Variants in CENPP observed in about 807,000 individuals in gnomAD.
CENPP encodes the protein centromere protein P.
Under a neutral mutation model 35.6 loss-of-function variants are expected in CENPP, and 24 were observed. The ratio of observed to expected loss-of-function variants is 0.67; its 90% confidence interval spans 0.49 to 0.95. CENPP has a LOEUF of 0.95. CENPP is among the 40% of genes least tolerant of loss of function. CENPP has a pLI of 0.00. For missense variants in CENPP, 332 were observed against 345.3 expected (o/e 0.96, Z 0.31); for synonymous variants, 120 against 125.5 (o/e 0.96, Z 0.29).
At chr9:92,330,688 GTT>G (rs11396197) in intron 1 of CENPP, among the ~76,000 whole-genome samples, 1 of 121,246 alleles carries the variant, frequency 8.2e-6, no homozygotes. Flanking sequence ...TCTTTTCTTT[GTT>G]TTTTTTTTTT....
intron 5 of CENPP, among the ~76,000 whole-genome samples, chr9:92,427,558 G>A (rs116940398): frequency 0.031 from 4,725 of 152,260 alleles, 114 homozygotes; most frequent in South Asian, 0.084. Context: ...TTGGCCCACT[G>A]TACCCTCTGC....
At chr9:92,605,562 C>T (rs1257518659) in intron 5 of CENPP, among the ~76,000 whole-genome samples, 2 of 152,072 alleles carry the variant, frequency 1.3e-5, no homozygotes, top group Non-Finnish European at 2.9e-5. Context: ...GGAGTCTTTT[C>T]AACAATTGGT....
At chr9:92,326,823 A>T (rs1840538407) in intron 1 of CENPP, among the ~76,000 whole-genome samples, 1 of 152,254 alleles carries the variant, frequency 6.6e-6, no homozygotes, top group African/African-American at 2.4e-5. Context: ...CCTCTCGAAA[A>T]CATAAACTGT....
At chr9:92,351,262 G>A (rs530936106) in intron 4 of CENPP, among the ~76,000 whole-genome samples, 1 of 152,122 alleles carries the variant, frequency 6.6e-6, no homozygotes, top group Admixed American at 6.5e-5. Context: ...AGGCTGAGGC[G>A]GGTGGATCAT....
At chr9:92,371,723 T>C (rs1357255956) in intron 4 of CENPP, among the ~76,000 whole-genome samples, 1 of 152,152 alleles carries the variant, frequency 6.6e-6, no homozygotes, top group Non-Finnish European at 1.5e-5. Context: ...TATTATTGTA[T>C]TGCAATCTAG....
At chr9:92,522,933 T>C (rs1848168788) in intron 5 of CENPP, 15 of 1,498,364 alleles carry the variant, frequency 1.0e-5, no homozygotes, top group Middle Eastern at 4.3e-4. Flanking sequence ...GGTGACTAAA[T>C]TTTTACTTCT....
chr9:92,443,148 T>A (rs777104770), intron 5 of CENPP, among the ~76,000 whole-genome samples: 1 of 152,188 alleles, frequency 6.6e-6, no homozygotes, highest in Non-Finnish European at 1.5e-5. Flanking sequence ...GACATAATTA[T>A]ATTTTTGAAA....
At chr9:92,360,442 T>A (rs534019527) in intron 4 of CENPP, among the ~76,000 whole-genome samples, 17 of 152,216 alleles carry the variant, frequency 1.1e-4, no homozygotes, top group African/African-American at 4.1e-4. Flanking sequence ...TGGGGTGCAC[T>A]CGTAGTCCCA....
intron 5 of CENPP, among the ~76,000 whole-genome samples, chr9:92,467,395 A>G (rs1845355081): frequency 6.6e-6 from 1 of 152,186 alleles, no homozygotes. Flanking sequence ...ACATGTTGGT[A>G]ACTCTGATAA....
chr9:92,331,635 G>A (rs1840749968), intron 1 of CENPP, among the ~76,000 whole-genome samples: 1 of 152,202 alleles, frequency 6.6e-6, no homozygotes, highest in South Asian at 2.1e-4. Context: ...AAATTTGGAA[G>A]TATAATTTGG....
chr9:92,482,949 G>A (rs1316934697), intron 5 of CENPP, among the ~76,000 whole-genome samples: 1 of 149,316 alleles, frequency 6.7e-6, no homozygotes, highest in African/African-American at 2.5e-5. Context: ...GCTATAGCAT[G>A]TCAGGGAAAC....
chr9:92,349,264 C>T (rs938692059), intron 4 of CENPP, among the ~76,000 whole-genome samples: 1 of 151,996 alleles, frequency 6.6e-6, no homozygotes, highest in African/African-American at 2.4e-5. Flanking sequence ...TTCTTTATGT[C>T]GCTTGTAATG....
chr9:92,567,373 G>GATAGATATATATATAT (rs1554688237), intron 5 of CENPP, among the ~76,000 whole-genome samples: 4 of 129,088 alleles, frequency 3.1e-5, no homozygotes, highest in South Asian at 2.8e-4. Flanking sequence ...ACATAAGATA[G>GATAGATATATATATAT]ATATATATAT....
chr9:92,436,754 C>A (rs145965015), intron 5 of CENPP, among the ~76,000 whole-genome samples: 22 of 152,270 alleles, frequency 1.4e-4, no homozygotes, highest in African/African-American at 4.8e-4. Context: ...GTCTTCCTGA[C>A]AACACCACCT....
In CENPP at chr9:92,492,791, G is replaced by C. The variant is rs147332286; in HGVS notation, c.564+112932G>C. On this transcript the variant is annotated intron_variant, in intron 5 of 7. Coordinates refer to ENST00000375587, the MANE Select transcript of CENPP (RefSeq NM_001012267.3). The stretch of plus-strand genomic sequence containing the variant: ...CAGCCTCAGAGTCAGAAGATGCAGG[G>C]GAAGTCCAGACTCAGCCACATATTC... Among the ~76,000 whole-genome samples the C allele has an allele frequency of 3.6e-3, 548 of 152,228 alleles. 8 individuals are homozygous for C. Among genetic ancestry groups the C allele is most frequent in the Non-Finnish European group, 5.4e-4 (37 of 68,006 alleles).
At chr9:92,562,877 C>G (rs192008954) in intron 5 of CENPP, among the ~76,000 whole-genome samples, 9 of 152,246 alleles carry the variant, frequency 5.9e-5, no homozygotes, top group African/African-American at 2.2e-4. Flanking sequence ...GAGAAGTTCA[C>G]TTGAGGTTTA....
chr9:92,492,672 G>A lies in CENPP; in HGVS notation c.564+112813G>A, dbSNP rs200536135. ...GGTTGAGCATCAGCCGCCCAGGTTC[G>A]GACCTTTTATTAGGCAGCCTGCCAC... On this transcript the variant is annotated intron_variant, in intron 5 of 7. Coordinates refer to ENST00000375587, the MANE Select transcript of CENPP (RefSeq NM_001012267.3). 5.3e-5 allele frequency among the ~76,000 whole-genome samples: 8 copies of A among 152,092 alleles called. No homozygotes were observed. In the East Asian group the frequency reaches 5.8e-4, roughly 11 times the overall value.
chr9:92,449,437 C>CAAAAAAAAAAAAAAAAAAAAAAAAAA (rs56218626), intron 5 of CENPP, among the ~76,000 whole-genome samples: 1 of 54,958 alleles, frequency 1.8e-5, no homozygotes, highest in Non-Finnish European at 3.4e-5. Flanking sequence ...ACTCTATCTC[C>CAAAAAAAAAAAAAAAAAAAAAAAAAA]AAAAAAAAAA....
intron 5 of CENPP, chr9:92,403,616 T>G (rs1159549463): frequency 2.5e-6 from 3 of 1,211,150 alleles, no homozygotes; most frequent in Non-Finnish European, 3.1e-6. Context: ...GCAGTTTTTA[T>G]GTATCAGTGA....
Sources: allele counts gnomAD v4.1 joint callset (sites outside exome capture counted in the v4.1 genomes callset), GRCh38; gene constraint gnomAD v4.1.1; transcripts MANE v1.5; gene names NCBI Gene and HGNC (gene_info 2026-07-23, HGNC 2026-07-21).